ANGPT4: variants seen among roughly 807,000 people sequenced by gnomAD.
ANGPT4 encodes angiopoietin-4.
A neutral mutation model predicts 53.0 loss-of-function variants in ANGPT4; 50 were observed. The observed-to-expected ratio is 0.94, with a 90% CI of 0.75 to 1.20. ANGPT4 has a LOEUF of 1.20. ANGPT4 is among the 50% of genes most tolerant of loss of function. ANGPT4 has a pLI of 0.00. For missense variants in ANGPT4, 648 were observed against 637.1 expected, an observed-to-expected ratio of 1.02 and a Z score of -0.18; for synonymous variants, 251 against 259.7, an observed-to-expected ratio of 0.97 and a Z score of 0.32.
In ANGPT4 at chr20:881,299, A is replaced by G; in HGVS notation, c.836-13T>C. On this transcript the variant is annotated splice_polypyrimidine_tract_variant and intron_variant, in intron 4 of 8. Transcript: ENST00000381922. ...GCCATTATGAAGGCTGCAAAGGGAC[A>G]ACACAAAAGTCAGTTGGAGGTGGGC... 6.2e-7 allele frequency: 1 copy of G among 1,612,582 alleles called. No individual in the cohort carries two copies. Among genetic ancestry groups the G allele is most frequent in the East Asian group, 2.2e-5 (1 of 44,882 alleles).
chr20:897,086 A>C (rs1211258200), intron 1 of ANGPT4, among the ~76,000 whole-genome samples: 1 of 151,998 alleles, frequency 6.6e-6, no homozygotes, highest in African/African-American at 2.4e-5. Context: ...ACCCCCTTTA[A>C]CTGTAATTTT....
At chr20:878,080 T>C (rs1408157031) in intron 7 of ANGPT4, 81 bp downstream of exon 7, 4 of 1,464,816 alleles carry the variant, frequency 2.7e-6, no homozygotes, top group African/African-American at 1.4e-5. Context: ...GAGCAGACTC[T>C]GTAGACACTA....
rs1284058057 is a variant in ANGPT4 at position 916,309 on chromosome 20, G to A, written c.-95C>T. 9 of 1,334,324 alleles carry A rather than the reference G, an allele frequency of 6.7e-6. No homozygotes were observed. Among genetic ancestry groups the A allele is most frequent in the Admixed American group, 2.1e-5 (1 of 47,870 alleles). 82.7% of individuals were successfully genotyped at this position (1,334,324 alleles called of 1,614,324 possible). On this transcript the variant is annotated 5_prime_UTR_variant, in exon 1 of 9. Transcript: ENST00000381922. Reference sequence around the variant, plus strand: ...CAGCCAACAGTGGCCAGGCTTGCCTGCAGCTGCAGCTACAAACCTCTGTCT... The same window carrying A: ...CAGCCAACAGTGGCCAGGCTTGCCTACAGCTGCAGCTACAAACCTCTGTCT...
chr20:884,957 T>G, intron 4 of ANGPT4, 121 bp downstream of exon 4: 2 of 1,359,410 alleles, frequency 1.5e-6, no homozygotes, highest in Non-Finnish European at 2.0e-6. Context: ...TCACAGATGG[T>G]CGGGGAGGGT....
rs187554825 is a variant in ANGPT4, at chr20:908,550, C to T, written c.309+7356G>A. ...CTTCATGGCACATATCATGATTGAT[C>T]GTTGCACATGGGAAATCACTAGGTT... On this transcript the variant is annotated intron_variant, in intron 1 of 8. Coordinates refer to ENST00000381922, the MANE Select transcript of ANGPT4 (RefSeq NM_015985.4). This position sits in a 1 kb window ranked among gnomAD's most constrained non-coding sequence, Gnocchi z 4.9. Among the ~76,000 whole-genome samples, 23 of 152,282 alleles carry T rather than the reference C, an allele frequency of 1.5e-4. No homozygotes were observed. In the East Asian group the frequency reaches 3.1e-3, roughly 21 times the overall value.
Position 871,071 on chromosome 20 carries a change from C to T in ANGPT4, c.*1889G>A, listed in dbSNP as rs1161384612. ...CTCCAAAGCCCTGCCCACCACACCA[C>T]ACTGCACACAGTAGAGGCTAAATAA... On this transcript the variant is annotated 3_prime_UTR_variant, in exon 9 of 9. Coordinates refer to ENST00000381922, the MANE Select transcript of ANGPT4 (RefSeq NM_015985.4). The T allele has an allele frequency of 6.6e-6, 1 of 152,304 alleles. No homozygotes were observed. The highest frequency in any genetic ancestry group is 1.5e-5 in the Non-Finnish European group (1 of 68,086). The allele number at this position is 152,304 out of a possible 1,614,324, so 9.4% of individuals were successfully genotyped here.
chr20:909,351 C>T lies in ANGPT4; in HGVS notation c.309+6555G>A, dbSNP rs138121196. Among the ~76,000 whole-genome samples the T allele has an allele frequency of 5.9e-5, 9 of 152,276 alleles. No homozygotes were observed. The East Asian group carries it at 1.7e-3, about 29-fold the overall frequency. On this transcript the variant is annotated intron_variant, in intron 1 of 8. Coordinates refer to ENST00000381922, the MANE Select transcript of ANGPT4 (RefSeq NM_015985.4). ...GAGCAGTGCCAGGCACATCCCCTGA[C>T]CAGCCATTTGAGCCTCACAGCAAAC... is the stretch of plus-strand genomic sequence containing the variant.
chr20:914,410 G>C lies in ANGPT4; in HGVS notation c.309+1496C>G, dbSNP rs1012685014. ...TAAGCAAAGTGGGAGTCTGGGAGAG[G>C]GAACTCCAGGGAGTAAGGGTTCTTG... On this transcript the variant is annotated intron_variant, in intron 1 of 8. Transcript: ENST00000381922. This position sits in a 1 kb window ranked among gnomAD's most constrained non-coding sequence, Gnocchi z 5.0. Among the ~76,000 whole-genome samples the C allele has an allele frequency of 6.6e-6, 1 of 152,104 alleles. No homozygotes were observed. The highest frequency in any genetic ancestry group is 1.5e-5 in the Non-Finnish European group (1 of 68,018).
In ANGPT4 at chr20:881,183, C is replaced by T. The variant is rs755790516; in HGVS notation, c.939G>A (p.Thr313=). 1.1e-5 allele frequency: 18 copies of T among 1,589,812 alleles called. No individual in the cohort carries two copies. The highest frequency in any genetic ancestry group is 4.0e-5 in the African/African-American group (3 of 74,200). ...GGAGCCCCCTAACCTTCCTGGGCTT[C>T]GTTGCATTGGACACCTGGATGGTGT... ...GVYTIQVSNA[T]KPRKVFCDLQ... is the part of the protein sequence containing the mutation. The change falls in exon 5 of 9, where the codon ACG becomes ACA. Residue 313 remains threonine (T), a synonymous_variant. Coordinates refer to ENST00000381922, the MANE Select transcript of ANGPT4 (RefSeq NM_015985.4).
Position 881,250 on chromosome 20 carries a change from C to T in ANGPT4, c.872G>A (p.Cys291Tyr), listed in dbSNP as rs751349133. 1.6e-5 allele frequency: 26 copies of T among 1,614,116 alleles called. No individual in the cohort carries two copies. The highest frequency in any genetic ancestry group is 2.0e-5 in the Non-Finnish European group (24 of 1,179,978). Residue 291 changes from cysteine (C) to tyrosine (Y), a missense_variant, in exon 5 of 9, where the codon TGT becomes TAT. Cys to Tyr is a radical substitution (Grantham distance 194). Transcript: ENST00000381922. ...GGCCCCAGAGCGCTGGATCTCTGCA[C>T]AGTCCTGGAACACCTGCTCACCTGC... Reference protein sequence around the residue: ...IMAGEQVFQDCAEIQRSGASA... With the variant: ...IMAGEQVFQDYAEIQRSGASA...
intron 8 of ANGPT4, among the ~76,000 whole-genome samples, 191 bp from the exon 9 acceptor site, chr20:873,311 G>A (rs944036390): frequency 6.6e-6 from 1 of 152,054 alleles, no homozygotes; most frequent in Non-Finnish European, 1.5e-5. Context: ...CTCAGCCGGG[G>A]CCTCTAGAGG....
At chr20:875,005 C>T (rs1207544408) in intron 7 of ANGPT4, among the ~76,000 whole-genome samples, 1 of 151,946 alleles carries the variant, frequency 6.6e-6, no homozygotes, top group Non-Finnish European at 1.5e-5. Context: ...CAGATGTGAG[C>T]CACCGTGCCC....
At position 908,698 on chromosome 20, in the gene ANGPT4, C is replaced by T. The variant is rs193276842; in HGVS notation, c.309+7208G>A. On this transcript the variant is annotated intron_variant, in intron 1 of 8. Coordinates refer to ENST00000381922, the MANE Select transcript of ANGPT4 (RefSeq NM_015985.4). The surrounding 1 kb of genome is among the most constrained non-coding windows in gnomAD (Gnocchi z 4.9). ...CCTCAATAAACAGTGGTGGAAGGGA[C>T]AATTAAATGAATGCAGGAATGAATA... 3.0e-4 allele frequency among the ~76,000 whole-genome samples: 45 copies of T among 151,666 alleles called. No homozygotes were observed. In the East Asian group the frequency reaches 8.3e-3, roughly 28 times the overall value.
intron 7 of ANGPT4, among the ~76,000 whole-genome samples, chr20:875,713 T>A (rs908127997): frequency 6.6e-6 from 1 of 152,174 alleles, no homozygotes; most frequent in Non-Finnish European, 1.5e-5. Flanking sequence ...CAGTGCTTGT[T>A]ATTATTTGGC....
At chr20:901,115 TA>T (rs1482620143) in intron 1 of ANGPT4, among the ~76,000 whole-genome samples, 2 of 152,198 alleles carry the variant, frequency 1.3e-5, no homozygotes, top group Non-Finnish European at 2.9e-5. Context: ...TATCTCTCCA[TA>T]CCACCTCCAA....
chr20:902,160 G>A (rs6039132), intron 1 of ANGPT4, among the ~76,000 whole-genome samples: 40,588 of 151,788 alleles, frequency 0.27, 6,392 homozygotes, highest in African/African-American at 0.44. Context: ...TGGTGATGGC[G>A]TTTTCTTTTT....
intron 1 of ANGPT4, among the ~76,000 whole-genome samples, chr20:899,185 C>T (rs76447067): frequency 4.0e-4 from 61 of 152,096 alleles, no homozygotes; most frequent in African/African-American, 1.3e-3. Context: ...ATAACTGTTG[C>T]GGGTATTGAC....
chr20:908,025 C>G lies in ANGPT4; in HGVS notation c.309+7881G>C, dbSNP rs1194424859. On this transcript the variant is annotated intron_variant, in intron 1 of 8. Coordinates refer to ENST00000381922, the MANE Select transcript of ANGPT4 (RefSeq NM_015985.4). This position sits in a 1 kb window ranked among gnomAD's most constrained non-coding sequence, Gnocchi z 4.9. ...TAAAGGAAGATTTTTAACTTAATGG[C>G]TGAGCTCTTTCTATGTGCCTGTCTT... 6.6e-6 allele frequency among the ~76,000 whole-genome samples: 1 copy of G among 152,140 alleles called. No homozygotes were observed. The highest frequency in any genetic ancestry group is 1.5e-5 in the Non-Finnish European group (1 of 68,032).
chr20:880,495 G>A (rs573316214), intron 5 of ANGPT4, among the ~76,000 whole-genome samples: 18 of 152,210 alleles, frequency 1.2e-4, no homozygotes, highest in African/African-American at 4.3e-4. Context: ...GGCTGAGGCA[G>A]GAGGATCACT....
Sources: gnomAD v4.1 joint callset for allele counts (sites outside exome capture counted in the v4.1 genomes callset) on GRCh38, gnomAD v4.1.1 for gene constraint, Gnocchi (gnomAD v3.1) non-coding constraint, MANE v1.5 for transcripts, NCBI Gene and HGNC (gene_info 2026-07-23, HGNC 2026-07-21) for gene names.